The following XKR9 variants were observed in gnomAD, a reference collection of about 807,000 sequenced individuals.
The protein encoded by XKR9 is XK-related protein 9.
In XKR9, 32 loss-of-function variants were observed where a neutral mutation model predicts 32.0. The observed-to-expected ratio is 1.00, with a 90% confidence interval of 0.76 to 1.34. The LOEUF is 1.34. Ranked by LOEUF, XKR9 falls within the 40% of genes most tolerant of loss-of-function variation. The probability of loss-of-function intolerance (pLI) is 0.00; values close to 1 mark genes in which losing one functional copy is unlikely to be tolerated. For synonymous variants in XKR9, 168 were observed against 143.4 expected, an observed-to-expected ratio of 1.17 and a Z score of -1.22; for missense variants, 546 against 429.7, an observed-to-expected ratio of 1.27 and a Z score of -2.39.
Position 70,734,618 on chromosome 8 carries a change from C to A in XKR9, c.*194C>A. The A allele has an allele frequency of 1.6e-6, 1 of 642,298 alleles. No homozygotes were observed. The highest frequency in any genetic ancestry group is 2.1e-6 in the Non-Finnish European group (1 of 465,830). The allele number at this position is 642,298 out of a possible 1,614,324, so 39.8% of individuals were successfully genotyped here. A position where few individuals can be genotyped will look rare whatever the true frequency, so the allele number is the denominator to read the frequency against. Reference sequence around the variant, plus strand: ...TTTGGTTTTGAAGATCTTGAGTACTCAGATATCTTTCTACTGCCTGGTAGA... The same window carrying A: ...TTTGGTTTTGAAGATCTTGAGTACTAAGATATCTTTCTACTGCCTGGTAGA... On this transcript the variant is annotated 3_prime_UTR_variant, in exon 5 of 5. Coordinates refer to ENST00000408926, the MANE Select transcript of XKR9 (RefSeq NM_001011720.2).
the XKR9 span, among the ~76,000 whole-genome samples, chr8:70,894,705 C>T: frequency 1.3e-5 from 2 of 152,092 alleles, no homozygotes; most frequent in Admixed American, 6.5e-5. Flanking sequence ...CTTCTTCAGT[C>T]TAGGTACTGG....
At chr8:70,675,075 C>T (rs755628057) in intron 2 of XKR9, among the ~76,000 whole-genome samples, 176 bp downstream of exon 2, 20 of 152,088 alleles carry the variant, frequency 1.3e-4, no homozygotes, top group Non-Finnish European at 2.2e-4. Flanking sequence ...GGATTGAAAC[C>T]GTTTGTGTTA....
chr8:70,791,616 C>G (rs576432499), downstream of XKR9, among the ~76,000 whole-genome samples: 6 of 151,990 alleles, frequency 3.9e-5, no homozygotes, highest in Non-Finnish European at 7.4e-5. Context: ...CTTTCCCCCA[C>G]CACTCTCTTT....
the XKR9 span, among the ~76,000 whole-genome samples, chr8:71,053,966 C>T: frequency 6.6e-6 from 1 of 152,182 alleles, no homozygotes; most frequent in Non-Finnish European, 1.5e-5. Flanking sequence ...GCATTTTGTT[C>T]AACAGTCTCA....
the XKR9 span, among the ~76,000 whole-genome samples, chr8:70,940,102 C>T: frequency 6.6e-6 from 1 of 151,940 alleles, no homozygotes; most frequent in East Asian, 1.9e-4. Context: ...GAAGGAGGCA[C>T]CCTAGGTTCT....
intron 4 of XKR9, among the ~76,000 whole-genome samples, chr8:70,723,229 C>A (rs980978904): frequency 6.6e-6 from 1 of 152,076 alleles, no homozygotes; most frequent in Admixed American, 6.5e-5. Context: ...AGCTTCCTTG[C>A]GTTGCATTAA....
chr8:70,772,176 A>G (rs1036938112), intron 2 of XKR9, among the ~76,000 whole-genome samples: 1 of 152,178 alleles, frequency 6.6e-6, no homozygotes, highest in East Asian at 1.9e-4. Flanking sequence ...GAATATAAAC[A>G]ACTTGAGATC....
At chr8:70,843,242 T>G in the XKR9 span, among the ~76,000 whole-genome samples, 1 of 152,192 alleles carries the variant, frequency 6.6e-6, no homozygotes, top group Non-Finnish European at 1.5e-5. Context: ...ACTATGAATA[T>G]CTCAAAAGTA....
intron 2 of XKR9, among the ~76,000 whole-genome samples, chr8:70,785,223 T>C (rs141595329): frequency 6.4e-4 from 97 of 152,078 alleles, no homozygotes; most frequent in African/African-American, 2.2e-3. Flanking sequence ...ATTTCTTCAT[T>C]ATTCACTTTT....
intron 3 of XKR9, among the ~76,000 whole-genome samples, chr8:70,686,619 T>G (rs1819289504): frequency 6.6e-6 from 1 of 152,092 alleles, no homozygotes; most frequent in Non-Finnish European, 1.5e-5. Flanking sequence ...AATTTTTGTA[T>G]TTTTCATAGA....
At chr8:71,028,908 A>G in the XKR9 span, among the ~76,000 whole-genome samples, 2 of 150,866 alleles carry the variant, frequency 1.3e-5, no homozygotes, top group African/African-American at 2.4e-5. Flanking sequence ...GACACACAGA[A>G]AGAGAGAGAG....
At chr8:70,977,986 G>A in the XKR9 span, among the ~76,000 whole-genome samples, 1 of 152,194 alleles carries the variant, frequency 6.6e-6, no homozygotes, top group Non-Finnish European at 1.5e-5. Flanking sequence ...TTACCATTAT[G>A]TAATGACCTT....
chr8:70,918,386 C>G, the XKR9 span, among the ~76,000 whole-genome samples: 1 of 152,098 alleles, frequency 6.6e-6, no homozygotes, highest in African/African-American at 2.4e-5. Context: ...TTTAGAAGGA[C>G]TTGAAGGAAA....
chr8:70,973,133 C>A, the XKR9 span, among the ~76,000 whole-genome samples: 2 of 152,006 alleles, frequency 1.3e-5, no homozygotes, highest in Non-Finnish European at 2.9e-5. Flanking sequence ...ATTATCATTT[C>A]AATCCCGCTA....
chr8:70,741,256 T>C (rs889211088), intron 2 of XKR9, among the ~76,000 whole-genome samples: 15 of 152,344 alleles, frequency 9.8e-5, no homozygotes, highest in African/African-American at 3.4e-4. Context: ...ATGATGGGAC[T>C]GGTGGTTTTA....
At chr8:70,916,346 G>A in the XKR9 span, among the ~76,000 whole-genome samples, 1 of 152,164 alleles carries the variant, frequency 6.6e-6, no homozygotes, top group Non-Finnish European at 1.5e-5. Flanking sequence ...AGGGCAAGGG[G>A]TAAGTTTTTC....
intron 3 of XKR9, among the ~76,000 whole-genome samples, chr8:70,701,127 C>G (rs1027793532): frequency 6.6e-6 from 1 of 152,216 alleles, no homozygotes; most frequent in Admixed American, 6.5e-5. Flanking sequence ...CTCCCTGACC[C>G]CTTGCACTTC....
chr8:70,716,600 CT>C (rs1554549309), intron 4 of XKR9, among the ~76,000 whole-genome samples: 1 of 152,120 alleles, frequency 6.6e-6, no homozygotes, highest in Admixed American at 6.5e-5. Flanking sequence ...GAAACTACCC[CT>C]ATGATTCAGT....
the XKR9 span, among the ~76,000 whole-genome samples, chr8:71,050,514 T>C: frequency 6.6e-6 from 1 of 152,044 alleles, no homozygotes; most frequent in Non-Finnish European, 1.5e-5. Context: ...ATCATGGATA[T>C]CTATCCGAAT....
Sources: allele counts gnomAD v4.1 joint callset (sites outside exome capture counted in the v4.1 genomes callset), GRCh38; gene constraint gnomAD v4.1.1; transcripts MANE v1.5; gene names NCBI Gene and HGNC (gene_info 2026-07-23, HGNC 2026-07-21).